The following ATG7 variants were observed in gnomAD, a reference collection of about 807,000 sequenced individuals.
ATG7 encodes the protein autophagy related 7.
A neutral mutation model predicts 82.4 loss-of-function variants in ATG7; 70 were observed. That is an observed-to-expected ratio of 0.85 (90% confidence interval 0.70 to 1.04). The LOEUF (loss-of-function observed/expected upper bound fraction) is 1.04. Among genes scored for constraint, ATG7 ranks in the 50% least tolerant of loss-of-function variants. ATG7 has a pLI of 0.00. For missense variants in ATG7, 792 were observed against 864.3 expected, an observed-to-expected ratio of 0.92 and a Z score of 1.05; for synonymous variants, 287 against 313.0, an observed-to-expected ratio of 0.92 and a Z score of 0.88.
Position 11,349,394 on chromosome 3 carries a change from TGTG to T in ATG7, c.1284+1369_1284+1371del, listed in dbSNP as rs1955116396. On this transcript the variant is annotated intron_variant, in intron 14 of 20. Coordinates refer to ENST00000693202, the MANE Select transcript of ATG7 (RefSeq NM_001349232.2). ...TCTCTTTAAAATAAAATTAGCCAGG[TGTG>T]GTGGTGGTGTGCATCTGTAGTCCCA... Among the ~76,000 whole-genome samples, 8 of 151,870 alleles carry T rather than the reference TGTG, an allele frequency of 5.3e-5. No homozygotes were observed. In the South Asian group the frequency reaches 1.7e-3, roughly 32 times the overall value.
intron 20 of ATG7, among the ~76,000 whole-genome samples, chr3:11,434,473 A>G (rs1386078899): frequency 6.6e-6 from 1 of 152,162 alleles, no homozygotes; most frequent in Non-Finnish European, 1.5e-5. Flanking sequence ...TTCCTTATGA[A>G]GCAATCCCTC....
intron 14 of ATG7, among the ~76,000 whole-genome samples, chr3:11,355,654 A>G (rs953555141): frequency 2.6e-5 from 4 of 152,240 alleles, no homozygotes; most frequent in African/African-American, 9.6e-5. Context: ...AGTTAAAACC[A>G]GAGAGATATA....
intron 1 of ATG7, among the ~76,000 whole-genome samples, chr3:11,276,399 C>T (rs1395099604): frequency 6.6e-6 from 1 of 152,130 alleles, no homozygotes; most frequent in Non-Finnish European, 1.5e-5. Flanking sequence ...GTTTCATCAA[C>T]CCTTCTCATT....
At chr3:11,575,816 G>C in the ATG7 span, among the ~76,000 whole-genome samples, 1 of 152,342 alleles carries the variant, frequency 6.6e-6, no homozygotes, top group African/African-American at 2.4e-5. Flanking sequence ...GCCAACCCCT[G>C]CAACTTTCCC....
At chr3:11,394,749 G>C (rs1261568992) in intron 19 of ATG7, among the ~76,000 whole-genome samples, 1 of 152,170 alleles carries the variant, frequency 6.6e-6, no homozygotes, top group African/African-American at 2.4e-5. Flanking sequence ...AGGCTTCCTT[G>C]CATTAAGATA....
intron 6 of ATG7, chr3:11,308,779 C>G: frequency 1.7e-6 from 1 of 596,802 alleles, no homozygotes; most frequent in Non-Finnish European, 3.0e-6. Flanking sequence ...CCTCACTTGG[C>G]TTAGATGTTG....
At chr3:11,528,202 T>C (rs2092623610) in intron 20 of ATG7, among the ~76,000 whole-genome samples, 1 of 152,256 alleles carries the variant, frequency 6.6e-6, no homozygotes, top group Admixed American at 6.5e-5. Context: ...GAATCTTCTT[T>C]ATAGCCTGCA....
At chr3:11,559,453 G>A (rs1461069434), downstream of ATG7, 1 of 1,559,078 alleles carries the variant, frequency 6.4e-7, no homozygotes, top group South Asian at 1.2e-5. Flanking sequence ...CGGAGGGCCG[G>A]TTCTGCGGGG....
intron 1 of ATG7, among the ~76,000 whole-genome samples, chr3:11,280,470 GTC>G (rs1462521017): frequency 2.0e-5 from 3 of 152,194 alleles, no homozygotes; most frequent in Non-Finnish European, 4.4e-5. Flanking sequence ...TTGAACTCAG[GTC>G]TCTCTGGCTC....
At chr3:11,272,985 G>C (rs528978295) in intron 1 of ATG7, among the ~76,000 whole-genome samples, 1 of 152,224 alleles carries the variant, frequency 6.6e-6, no homozygotes, top group Admixed American at 6.5e-5. Flanking sequence ...ATAGGTGTTA[G>C]AACATTTGTC....
intron 19 of ATG7, among the ~76,000 whole-genome samples, chr3:11,397,254 GA>G (rs1402988410): frequency 1.3e-5 from 2 of 152,044 alleles, no homozygotes; most frequent in Non-Finnish European, 2.9e-5. Flanking sequence ...AAAATCAGTT[GA>G]AAATAAACTT....
At chr3:11,414,732 C>A (rs2081222214) in intron 19 of ATG7, among the ~76,000 whole-genome samples, 1 of 152,078 alleles carries the variant, frequency 6.6e-6, no homozygotes, top group Non-Finnish European at 1.5e-5. Flanking sequence ...GTTGAAGTTT[C>A]CCTCTGTTCC....
intron 20 of ATG7, among the ~76,000 whole-genome samples, chr3:11,488,751 G>A (rs1305125524): frequency 3.3e-5 from 5 of 152,220 alleles, no homozygotes; most frequent in African/African-American, 4.8e-5. Context: ...CAGGGATGAA[G>A]CCCACTTGAT....
At chr3:11,524,093 G>A (rs949536850) in intron 20 of ATG7, among the ~76,000 whole-genome samples, 1 of 152,232 alleles carries the variant, frequency 6.6e-6, no homozygotes, top group African/African-American at 2.4e-5. Context: ...TAAAGTCTCA[G>A]TTCAAAAGCA....
chr3:11,530,739 G>C (rs1024103852), intron 20 of ATG7, among the ~76,000 whole-genome samples: 1 of 152,170 alleles, frequency 6.6e-6, no homozygotes, highest in African/African-American at 2.4e-5. Flanking sequence ...CCAGCACTTT[G>C]GGAGGCTGAG....
chr3:11,337,370 T>C (rs1384402714), intron 11 of ATG7, among the ~76,000 whole-genome samples: 1 of 152,022 alleles, frequency 6.6e-6, no homozygotes, highest in African/African-American at 2.4e-5. Flanking sequence ...GGAGAATCGC[T>C]TGAACCTGGG....
At position 11,396,118 on chromosome 3, in the gene ATG7, G is replaced by GGGA. The variant is rs10664708; in HGVS notation, c.1956+16066_1956+16067insGGA. On this transcript the variant is annotated intron_variant, in intron 19 of 20. Transcript: ENST00000693202. ...CCAAAACGTTAAATCAGAAGTATAG[G>GGGA]AAAAAAAAAAAAGTATAGAAAGTGG... Among the ~76,000 whole-genome samples the GGGA allele has an allele frequency of 3.5e-5, 5 of 144,422 alleles. No homozygotes were observed. The South Asian group carries it at 8.7e-4, about 25-fold the overall frequency. 94.7% of individuals were successfully genotyped at this position (144,422 alleles called of 152,430 possible).
intron 20 of ATG7, among the ~76,000 whole-genome samples, chr3:11,454,408 G>A (rs1042064199): frequency 2.6e-5 from 4 of 152,212 alleles, no homozygotes; most frequent in African/African-American, 4.8e-5. Context: ...AAGAGGCTGC[G>A]ATTAGAATTT....
chr3:11,432,700 T>C (rs1373197161), intron 20 of ATG7, among the ~76,000 whole-genome samples: 2 of 152,152 alleles, frequency 1.3e-5, no homozygotes, highest in African/African-American at 4.8e-5. Flanking sequence ...TGCCAAATTA[T>C]AGTTACATTC....
Sources: gnomAD v4.1 joint callset for allele counts (sites outside exome capture counted in the v4.1 genomes callset) on GRCh38, gnomAD v4.1.1 for gene constraint, MANE v1.5 for transcripts, NCBI Gene and HGNC (gene_info 2026-07-23, HGNC 2026-07-21) for gene names.